LIN7A: variants seen among roughly 807,000 people sequenced by gnomAD.
LIN7A encodes protein lin-7 homolog A.
Under a neutral mutation model 29.8 loss-of-function variants are expected in LIN7A, and 25 were observed. The observed-to-expected ratio is 0.84, with a 90% CI of 0.61 to 1.17. LIN7A has a LOEUF of 1.17. Ranked by LOEUF, LIN7A falls within the 50% of genes most tolerant of loss-of-function variation. LIN7A has a pLI of 0.00. For missense variants in LIN7A, 239 were observed against 287.0 expected (o/e 0.83, Z 1.21); for synonymous variants, 118 against 107.5 (o/e 1.10, Z -0.60).
chr12:80,937,918 G>T lies in LIN7A; in HGVS notation c.-196C>A. On this transcript the variant is annotated 5_prime_UTR_variant, in exon 1 of 6. In the 5' UTR this introduces an upstream ATG that the reference lacks. Transcript: ENST00000552864. ...TTCAGTTGCGGTGCGGAGCTGAGCA[G>T]GTATCCGAGAGCGACTGCATCGCCG... 2.3e-6 allele frequency: 1 copy of T among 437,208 alleles called. No homozygotes were observed. The highest frequency in any genetic ancestry group is 4.1e-6 in the Non-Finnish European group (1 of 246,538). The allele number at this position is 437,208 out of a possible 1,614,324, so 27.1% of individuals were successfully genotyped here. A position where few individuals can be genotyped will look rare whatever the true frequency, so the allele number is the denominator to read the frequency against.
At chr12:80,836,244 T>A (rs1872584912) in intron 4 of LIN7A, among the ~76,000 whole-genome samples, 4 of 152,222 alleles carry the variant, frequency 2.6e-5, no homozygotes, top group Admixed American at 2.6e-4. Flanking sequence ...TGCTCCTACA[T>A]GGCAAATCAT....
At chr12:80,881,249 C>A (rs75960641) in intron 2 of LIN7A, among the ~76,000 whole-genome samples, 1 of 152,158 alleles carries the variant, frequency 6.6e-6, no homozygotes, top group Non-Finnish European at 1.5e-5. Context: ...AAACTTATCA[C>A]ACAAGAAACA....
At chr12:80,930,053 C>T (rs548782937) in intron 1 of LIN7A, among the ~76,000 whole-genome samples, 13 of 152,118 alleles carry the variant, frequency 8.5e-5, no homozygotes, top group African/African-American at 3.1e-4. Context: ...AAAGGTAATC[C>T]TTTGATTAAT....
At chr12:80,807,501 T>C (rs1592849182) in intron 5 of LIN7A, among the ~76,000 whole-genome samples, 1 of 152,212 alleles carries the variant, frequency 6.6e-6, no homozygotes, top group Non-Finnish European at 1.5e-5. Flanking sequence ...AAGTCTTTAG[T>C]AAGACCTCAG....
chr12:80,837,542 T>C (rs1356433343), intron 4 of LIN7A, among the ~76,000 whole-genome samples: 1 of 152,092 alleles, frequency 6.6e-6, no homozygotes, highest in Non-Finnish European at 1.5e-5. Flanking sequence ...GATTCCCCAA[T>C]AGCACCTCTA....
intron 2 of LIN7A, among the ~76,000 whole-genome samples, chr12:80,873,790 G>A (rs1361013222): frequency 2.0e-5 from 3 of 151,318 alleles, no homozygotes; most frequent in Non-Finnish European, 4.4e-5. Flanking sequence ...CTATTCTAAG[G>A]TAAATGGTAT....
chr12:80,915,483 G>C (rs11114650), intron 1 of LIN7A, among the ~76,000 whole-genome samples: 22,182 of 152,176 alleles, frequency 0.15, 3,647 homozygotes, highest in African/African-American at 0.39. Flanking sequence ...AAAGAACTAA[G>C]AGTTGAGTTA....
intron 2 of LIN7A, among the ~76,000 whole-genome samples, chr12:80,853,030 G>A (rs562454599): frequency 3.3e-5 from 5 of 152,118 alleles, no homozygotes; most frequent in Admixed American, 6.6e-5. Flanking sequence ...GTGTACAGAT[G>A]TCAGTTCTGA....
intron 4 of LIN7A, among the ~76,000 whole-genome samples, chr12:80,815,897 A>G (rs1386106588): frequency 6.6e-6 from 1 of 152,176 alleles, no homozygotes; most frequent in Non-Finnish European, 1.5e-5. Context: ...CTGAGGGTAT[A>G]TAGTAGGTAC....
At chr12:80,900,818 T>C (rs1022373281) in intron 1 of LIN7A, among the ~76,000 whole-genome samples, 1 of 152,218 alleles carries the variant, frequency 6.6e-6, no homozygotes, top group African/African-American at 2.4e-5. Context: ...TGTCAAACTC[T>C]ATTTAACAAC....
In LIN7A at chr12:80,795,277, A is replaced by T. The variant is rs1870395063; in HGVS notation, c.*2450T>A. On this transcript the variant is annotated 3_prime_UTR_variant, in exon 6 of 6. Coordinates refer to ENST00000552864, the MANE Select transcript of LIN7A (RefSeq NM_004664.4). ...TACCTCTGATTAAAACTTTAGGAAA[A>T]GACTTACATTTCAACCAACAAGATT... 6.6e-6 allele frequency: 1 copy of T among 152,112 alleles called. No homozygotes were observed. The highest frequency in any genetic ancestry group is 2.4e-5 in the African/African-American group (1 of 41,444). The allele number at this position is 152,112 out of a possible 1,614,324, so 9.4% of individuals were successfully genotyped here.
chr12:80,805,263 C>G (rs150792748), intron 5 of LIN7A, among the ~76,000 whole-genome samples: 16 of 152,134 alleles, frequency 1.1e-4, no homozygotes, highest in South Asian at 4.1e-4. Flanking sequence ...GGAGTCATCC[C>G]CTGGAACTTG....
At chr12:80,858,507 CTT>C (rs11353715) in intron 2 of LIN7A, among the ~76,000 whole-genome samples, 187 of 139,320 alleles carry the variant, frequency 1.3e-3, no homozygotes, top group Middle Eastern at 3.8e-3. Flanking sequence ...GAAGAAATTT[CTT>C]TTTTTTTTTT....
intron 2 of LIN7A, among the ~76,000 whole-genome samples, chr12:80,874,806 GC>G (rs1874602603): frequency 6.6e-6 from 1 of 152,048 alleles, no homozygotes; most frequent in African/African-American, 2.4e-5. Context: ...ACACGGTGAA[GC>G]CCCGTCTCTA....
intron 1 of LIN7A, among the ~76,000 whole-genome samples, chr12:80,890,249 G>A (rs1429861032): frequency 1.3e-5 from 2 of 151,944 alleles, no homozygotes; most frequent in Non-Finnish European, 2.9e-5. Context: ...AATACTTATG[G>A]GTGATCTCTT....
intron 5 of LIN7A, among the ~76,000 whole-genome samples, chr12:80,811,150 A>G (rs1261573683): frequency 1.3e-5 from 2 of 152,088 alleles, no homozygotes; most frequent in Non-Finnish European, 2.9e-5. Flanking sequence ...CAGAGGCTGC[A>G]TTTTCTTAAT....
chr12:80,816,004 T>TA (rs1165851899), intron 4 of LIN7A, among the ~76,000 whole-genome samples: 3 of 152,188 alleles, frequency 2.0e-5, no homozygotes, highest in Non-Finnish European at 4.4e-5. Context: ...AGGCTGGCCA[T>TA]GAGCATACTT....
intron 4 of LIN7A, among the ~76,000 whole-genome samples, chr12:80,834,937 T>C (rs910483008): frequency 1.3e-5 from 2 of 152,190 alleles, no homozygotes; most frequent in Non-Finnish European, 2.9e-5. Flanking sequence ...TAGACCAGCA[T>C]AAATAAGTTA....
intron 2 of LIN7A, among the ~76,000 whole-genome samples, chr12:80,867,160 C>T (rs890905828): frequency 6.6e-6 from 1 of 152,076 alleles, no homozygotes; most frequent in Non-Finnish European, 1.5e-5. Flanking sequence ...CCATGTTGAC[C>T]AGTCTTGAGC....
Sources: allele counts gnomAD v4.1 joint callset (sites outside exome capture counted in the v4.1 genomes callset), GRCh38; gene constraint gnomAD v4.1.1; transcripts MANE v1.5; gene names NCBI Gene and HGNC (gene_info 2026-07-23, HGNC 2026-07-21).